XKR4: variants seen among roughly 807,000 people sequenced by gnomAD.
XKR4 encodes the protein XK related 4.
A neutral mutation model predicts 53.9 loss-of-function variants in XKR4; 12 were observed. The ratio of observed to expected loss-of-function variants is 0.22; its 90% CI spans 0.14 to 0.36. The LOEUF is 0.36. XKR4 is among the 10% of genes least tolerant of loss of function. The pLI, the probability that XKR4 is intolerant of heterozygous loss-of-function variation, is 1.00. For missense variants in XKR4, 799 were observed against 859.5 expected, an observed-to-expected ratio of 0.93 and a Z score of 0.88; for synonymous variants, 354 against 362.4, an observed-to-expected ratio of 0.98 and a Z score of 0.26.
At chr8:55,480,776 C>T (rs1160744525) in intron 2 of XKR4, among the ~76,000 whole-genome samples, 1 of 138,660 alleles carries the variant, frequency 7.2e-6, no homozygotes, top group Non-Finnish European at 1.5e-5. Context: ...AGAGCCAAAT[C>T]ATGAGTGAAC....
intron 1 of XKR4, among the ~76,000 whole-genome samples, chr8:55,287,469 GT>G (rs1294906616): frequency 6.6e-6 from 1 of 152,220 alleles, no homozygotes; most frequent in Non-Finnish European, 1.5e-5. Context: ...TATCCAAGAT[GT>G]TTCAGCTTCT....
intron 2 of XKR4, among the ~76,000 whole-genome samples, chr8:55,433,239 G>T (rs1446663895): frequency 6.6e-6 from 1 of 152,140 alleles, no homozygotes; most frequent in Admixed American, 6.5e-5. Flanking sequence ...TTAAATACTA[G>T]TTAACAAACA....
intron 2 of XKR4, among the ~76,000 whole-genome samples, chr8:55,361,803 A>G (rs1288940357): frequency 1.3e-5 from 2 of 151,082 alleles, no homozygotes; most frequent in Non-Finnish European, 2.9e-5. Flanking sequence ...TTTCTCTCCC[A>G]CCTCCAGGCC....
chr8:55,155,801 G>C (rs1266614331), intron 1 of XKR4, among the ~76,000 whole-genome samples: 1 of 152,192 alleles, frequency 6.6e-6, no homozygotes, highest in African/African-American at 2.4e-5. Flanking sequence ...CACCCACAGT[G>C]AATAGCTTTC....
At chr8:55,299,586 T>C (rs1322450739) in intron 1 of XKR4, among the ~76,000 whole-genome samples, 2 of 152,150 alleles carry the variant, frequency 1.3e-5, no homozygotes, top group Admixed American at 1.3e-4. Context: ...AAGAATTCTG[T>C]TAAAATTATT....
At chr8:55,208,218 T>C (rs1386741130) in intron 1 of XKR4, among the ~76,000 whole-genome samples, 1 of 152,198 alleles carries the variant, frequency 6.6e-6, no homozygotes, top group Non-Finnish European at 1.5e-5. Context: ...TTCCAGTATG[T>C]AATATTATTA....
In XKR4 at chr8:55,216,561, C is replaced by G. The variant is rs902684504; in HGVS notation, c.806+113267C>G. Among the ~76,000 whole-genome samples the G allele has an allele frequency of 2.0e-5, 3 of 152,094 alleles. No homozygotes were observed. The East Asian group carries it at 5.8e-4, about 29-fold the overall frequency. ...TGTCCAACATGGAGAAACCCCATCT[C>G]TACTAAAAATACAAAATTAGCTGGG... On this transcript the variant is annotated intron_variant, in intron 1 of 2. Coordinates refer to ENST00000327381, the MANE Select transcript of XKR4 (RefSeq NM_052898.2).
At chr8:55,261,495 A>G (rs1161833210) in intron 1 of XKR4, among the ~76,000 whole-genome samples, 8 of 152,324 alleles carry the variant, frequency 5.3e-5, no homozygotes, top group East Asian at 1.9e-4. Flanking sequence ...TAGGTCAAAG[A>G]TCTTTCATTT....
chr8:55,408,603 A>T (rs896987682), intron 2 of XKR4, among the ~76,000 whole-genome samples: 1 of 152,178 alleles, frequency 6.6e-6, no homozygotes, highest in Admixed American at 6.5e-5. Flanking sequence ...TGTGGACACA[A>T]TGGTCCTGAA....
chr8:55,465,040 A>T (rs372027169), intron 2 of XKR4, among the ~76,000 whole-genome samples: 16 of 152,068 alleles, frequency 1.1e-4, no homozygotes, highest in Admixed American at 7.2e-4. Flanking sequence ...AGAATCAATA[A>T]CATGAAAATG....
At chr8:55,109,544 G>T (rs1018109707) in intron 1 of XKR4, among the ~76,000 whole-genome samples, 2 of 152,018 alleles carry the variant, frequency 1.3e-5, no homozygotes, top group African/African-American at 4.8e-5. Flanking sequence ...CAATCAGACA[G>T]CTCCTTGTGC....
intron 2 of XKR4, among the ~76,000 whole-genome samples, chr8:55,463,585 C>T (rs974026409): frequency 6.6e-6 from 1 of 152,004 alleles, no homozygotes; most frequent in Non-Finnish European, 1.5e-5. Flanking sequence ...CAAGAGCAAA[C>T]ACGTTCAAAA....
chr8:55,489,937 C>A (rs1193345301), intron 2 of XKR4, among the ~76,000 whole-genome samples: 2 of 152,120 alleles, frequency 1.3e-5, no homozygotes, highest in African/African-American at 4.8e-5. Flanking sequence ...CCCTCCCAGC[C>A]TTTGTGCTAT....
chr8:55,183,887 G>A (rs1817344181), intron 1 of XKR4, among the ~76,000 whole-genome samples: 1 of 152,090 alleles, frequency 6.6e-6, no homozygotes, highest in African/African-American at 2.4e-5. Flanking sequence ...AGTCCTATTA[G>A]TGTTCTCTTT....
At chr8:55,108,495 C>T (rs1816186194) in intron 1 of XKR4, among the ~76,000 whole-genome samples, 1 of 152,132 alleles carries the variant, frequency 6.6e-6, no homozygotes, top group South Asian at 2.1e-4. Flanking sequence ...ATTGGCTTCA[C>T]AGGCTTTGAG....
intron 1 of XKR4, among the ~76,000 whole-genome samples, chr8:55,212,835 T>G (rs1251752798): frequency 6.6e-6 from 1 of 152,182 alleles, no homozygotes; most frequent in Non-Finnish European, 1.5e-5. Flanking sequence ...TTGGGTGGTG[T>G]TCATCCAGTT....
In XKR4 at chr8:55,109,258, G is replaced by T. The variant is rs112983342; in HGVS notation, c.806+5964G>T. Among the ~76,000 whole-genome samples the T allele has an allele frequency of 9.9e-4, 150 of 152,206 alleles. 2 individuals are homozygous for T. Among genetic ancestry groups the T allele is most frequent in the African/African-American group, 3.4e-3 (141 of 41,542 alleles). ...TAGAGAGACTAACTCTCATACAGAGGGTTGTACCAGAAGATCATCTTCCAG... is the reference window on the plus strand; with the variant it reads ...TAGAGAGACTAACTCTCATACAGAGTGTTGTACCAGAAGATCATCTTCCAG... On this transcript the variant is annotated intron_variant, in intron 1 of 2. Transcript: ENST00000327381.
chr8:55,217,295 A>G (rs1342117287), intron 1 of XKR4, among the ~76,000 whole-genome samples: 1 of 152,066 alleles, frequency 6.6e-6, no homozygotes, highest in Non-Finnish European at 1.5e-5. Context: ...AAATAAATAA[A>G]TGGCTGGTAA....
chr8:55,327,746 AG>A (rs1803315546), intron 1 of XKR4, among the ~76,000 whole-genome samples: 1 of 152,216 alleles, frequency 6.6e-6, no homozygotes, highest in African/African-American at 2.4e-5. Context: ...ATTTGACAGA[AG>A]AATTTAGCAA....
Sources: allele counts gnomAD v4.1 joint callset (sites outside exome capture counted in the v4.1 genomes callset), GRCh38; gene constraint gnomAD v4.1.1; transcripts MANE v1.5; gene names NCBI Gene and HGNC (gene_info 2026-07-23, HGNC 2026-07-21).